The following CAMSAP2 variants were observed in gnomAD, a reference collection of about 807,000 sequenced individuals.
CAMSAP2 encodes calmodulin-regulated spectrin-associated protein 2.
Under a neutral mutation model 146.1 loss-of-function variants are expected in CAMSAP2, and 26 were observed. The ratio of observed to expected loss-of-function variants is 0.18; its 90% CI spans 0.13 to 0.25. CAMSAP2 has a LOEUF of 0.25. Ranked by LOEUF, CAMSAP2 falls within the 10% of genes least tolerant of loss-of-function variation. CAMSAP2 has a pLI of 1.00. For missense variants in CAMSAP2, 1,381 were observed against 1,759.3 expected (o/e 0.78, Z 3.85); for synonymous variants, 499 against 596.6 (o/e 0.84, Z 2.38).
intron 4 of CAMSAP2, among the ~76,000 whole-genome samples, chr1:200,816,645 T>C (rs1380564646): frequency 1.4e-5 from 2 of 142,688 alleles, no homozygotes; most frequent in African/African-American, 5.1e-5. Context: ...TACACACACA[T>C]ATATATGCAC....
intron 2 of CAMSAP2, among the ~76,000 whole-genome samples, chr1:200,761,863 A>AACACACAC (rs1558165340): frequency 6.6e-6 from 1 of 152,374 alleles, no homozygotes; most frequent in East Asian, 1.9e-4. Context: ...GAAGGCCTCT[A>AACACACAC]AGCTGGCCTG....
At chr1:200,784,590 G>T (rs968774377) in intron 2 of CAMSAP2, among the ~76,000 whole-genome samples, 4 of 152,024 alleles carry the variant, frequency 2.6e-5, no homozygotes, top group African/African-American at 9.7e-5. Context: ...ATTGAATTTT[G>T]AACATTTTTT....
chr1:200,848,843 C>G lies in CAMSAP2; in HGVS notation c.2074C>G (p.Gln692Glu). Residue 692 changes from glutamine (Q) to glutamate (E), a missense_variant, in exon 11 of 17, where the codon CAA becomes GAA. Around this residue, in one of 4 missense-constraint regions of CAMSAP2, gnomAD observed 447 missense variants for 462.2 expected, o/e 0.97. Transcript: ENST00000358823. Reference sequence around the variant, plus strand: ...AGTTAAAATGACCAGCTTTGCTGAACAAAAATTCAGGAAACTGAATCATAC... The same window carrying G: ...AGTTAAAATGACCAGCTTTGCTGAAGAAAAATTCAGGAAACTGAATCATAC... ...SGVKMTSFAEQKFRKLNHTDG... is the reference protein window; with the variant it reads ...SGVKMTSFAEEKFRKLNHTDG... 6.2e-7 allele frequency: 1 copy of G among 1,614,112 alleles called. No individual in the cohort carries two copies.
intron 2 of CAMSAP2, among the ~76,000 whole-genome samples, chr1:200,773,119 G>C (rs1270608871): frequency 6.6e-6 from 1 of 152,246 alleles, no homozygotes; most frequent in Non-Finnish European, 1.5e-5. Flanking sequence ...ATGTACATAA[G>C]AGACAATTCA....
chr1:200,848,708 C>A lies in CAMSAP2; in HGVS notation c.1939C>A (p.Leu647Ile), dbSNP rs143433419. The change falls in exon 11 of 17, where the codon CTT (leucine) becomes ATT (isoleucine). Residue 647 changes from leucine (L) to isoleucine (I), a missense_variant. By Grantham distance (5) the Leu-to-Ile change is conservative. This residue lies in a region of CAMSAP2 where 447 missense variants were observed against 462.2 expected (regional missense o/e 0.97). Transcript: ENST00000358823. ...TGACATGGATGATGCATCTAAATTT[C>A]TTCAGGATTATGATATTCGAACTGG... ...DSDMDDASKFLQDYDIRTGNT... is the reference protein window; with the variant it reads ...DSDMDDASKFIQDYDIRTGNT... The A allele has an allele frequency of 5.6e-5, 90 of 1,614,086 alleles. No individual in the cohort carries two copies. Among genetic ancestry groups the A allele is most frequent in the Non-Finnish European group, 7.1e-5 (84 of 1,179,986 alleles).
chr1:200,801,942 G>C (rs1305923059), intron 2 of CAMSAP2, among the ~76,000 whole-genome samples: 1 of 152,112 alleles, frequency 6.6e-6, no homozygotes, highest in Non-Finnish European at 1.5e-5. Flanking sequence ...TGATGTGTTG[G>C]CAGCTAGTAA....
At chr1:200,817,500 CAT>C (rs1666636896) in intron 4 of CAMSAP2, among the ~76,000 whole-genome samples, 1 of 152,076 alleles carries the variant, frequency 6.6e-6, no homozygotes, top group African/African-American at 2.4e-5. Context: ...ACCCTTTAAA[CAT>C]GTTGTATAGT....
intron 8 of CAMSAP2, among the ~76,000 whole-genome samples, chr1:200,846,233 C>T (rs1667456926): frequency 6.6e-6 from 1 of 152,132 alleles, no homozygotes; most frequent in African/African-American, 2.4e-5. Flanking sequence ...ATTTAGAAAA[C>T]ACTCAGTGTT....
At position 200,750,901 on chromosome 1, in the gene CAMSAP2, CTT is replaced by C. The variant is rs55953656; in HGVS notation, c.140-9920_140-9919del. Among the ~76,000 whole-genome samples the C allele has an allele frequency of 1.4e-3, 127 of 91,576 alleles. 1 individual carries two copies. The highest frequency in any genetic ancestry group is 0.013 in the South Asian group (35 of 2,768). 60.1% of individuals were successfully genotyped at this position (91,576 alleles called of 152,430 possible). A position where few individuals can be genotyped will look rare whatever the true frequency, so the allele number is the denominator to read the frequency against. ...TATAGGCATGAGCCACCGCGCCTGC[CTT>C]TTTTTTTTTTTTTTTTTGAGACAGG... is the stretch of plus-strand genomic sequence containing the variant. On this transcript the variant is annotated intron_variant, in intron 1 of 16. Coordinates refer to ENST00000358823, the MANE Select transcript of CAMSAP2 (RefSeq NM_203459.4).
At chr1:200,749,100 G>A (rs1228913829) in intron 1 of CAMSAP2, among the ~76,000 whole-genome samples, 1 of 152,176 alleles carries the variant, frequency 6.6e-6, no homozygotes, top group African/African-American at 2.4e-5. Context: ...CTTAGGATAG[G>A]ATGCAAACAG....
chr1:200,841,894 GATGA>G (rs948331959), intron 6 of CAMSAP2, 96 bp from the exon 7 acceptor site: 1 of 820,414 alleles, frequency 1.2e-6, no homozygotes, highest in African/African-American at 1.7e-5. Flanking sequence ...ATACTCCAGT[GATGA>G]ATGAATGAGA....
Position 200,739,378 on chromosome 1 carries a change from T to C in CAMSAP2, c.-450T>C, listed in dbSNP as rs1348670759. Among the ~76,000 whole-genome samples, 1 of 152,090 alleles carries C rather than the reference T, an allele frequency of 6.6e-6. No homozygotes were observed. Among genetic ancestry groups the C allele is most frequent in the Non-Finnish European group, 1.5e-5 (1 of 67,978 alleles). Reference sequence around the variant, plus strand: ...AGGCGAGGGCGTGCGGGCATCGCGATGGCGGGGACATTTTCCACAACGTGA... The same window carrying C: ...AGGCGAGGGCGTGCGGGCATCGCGACGGCGGGGACATTTTCCACAACGTGA... On this transcript the variant is annotated 5_prime_UTR_variant, in exon 1 of 17. An upstream start codon of the reference 5' UTR is lost. Coordinates refer to ENST00000358823, the MANE Select transcript of CAMSAP2 (RefSeq NM_203459.4). This position sits in a 1 kb window ranked among gnomAD's most constrained non-coding sequence, Gnocchi z 4.8.
chr1:200,848,307 A>C lies in CAMSAP2; in HGVS notation c.1538A>C (p.Glu513Ala). ...PLNTNELNSN[E>A]NIHYKLPNGA... The stretch of plus-strand genomic sequence containing the variant: ...AACACAAATGAACTAAATTCTAATG[A>C]GAATATTCATTACAAGCTTCCAAAT... Residue 513 changes from glutamate (E) to alanine (A), a missense_variant, in exon 11 of 17, where the codon GAG becomes GCG. This residue lies in a region of CAMSAP2 where 447 missense variants were observed against 462.2 expected (regional missense o/e 0.97). Transcript: ENST00000358823. 6.2e-7 allele frequency: 1 copy of C among 1,613,468 alleles called. No homozygotes were observed.
At chr1:200,757,727 G>GA (rs1412073599) in intron 1 of CAMSAP2, among the ~76,000 whole-genome samples, 1 of 152,066 alleles carries the variant, frequency 6.6e-6, no homozygotes, top group Admixed American at 6.5e-5. Flanking sequence ...TTTTTAAAAT[G>GA]ACCTATTTTA....
chr1:200,745,367 A>G lies in CAMSAP2; in HGVS notation c.139+5401A>G, dbSNP rs1664293191. On this transcript the variant is annotated intron_variant, in intron 1 of 16. Transcript: ENST00000358823. Reference sequence around the variant, plus strand: ...GAATCACTGCTATAAATATTATAAGACACACTATTGTGATCTAAAAAGGTT... The same window carrying G: ...GAATCACTGCTATAAATATTATAAGGCACACTATTGTGATCTAAAAAGGTT... Among the ~76,000 whole-genome samples the G allele has an allele frequency of 3.3e-5, 5 of 152,116 alleles. 1 individual carries two copies. The South Asian group carries it at 8.3e-4, about 25-fold the overall frequency.
At chr1:200,795,741 A>G (rs778648170) in intron 2 of CAMSAP2, among the ~76,000 whole-genome samples, 1 of 152,202 alleles carries the variant, frequency 6.6e-6, no homozygotes, top group African/African-American at 2.4e-5. Flanking sequence ...TGTGATTATT[A>G]CCAAATGTAA....
chr1:200,775,797 C>T (rs1443707105), intron 2 of CAMSAP2, among the ~76,000 whole-genome samples: 1 of 152,142 alleles, frequency 6.6e-6, no homozygotes, highest in African/African-American at 2.4e-5. Context: ...TCCCAAAGTG[C>T]TGGGATTATG....
At chr1:200,781,195 G>A (rs147723065) in intron 2 of CAMSAP2, among the ~76,000 whole-genome samples, 2 of 152,268 alleles carry the variant, frequency 1.3e-5, no homozygotes, top group African/African-American at 4.8e-5. Flanking sequence ...AAATATGCCT[G>A]GAAAACTTTC....
At chr1:200,752,000 A>T (rs188441839) in intron 1 of CAMSAP2, among the ~76,000 whole-genome samples, 50 of 152,348 alleles carry the variant, frequency 3.3e-4, no homozygotes, top group African/African-American at 1.2e-3. Context: ...CATGGGCCAC[A>T]TTAACTTGGA....
Sources: allele counts gnomAD v4.1 joint callset (sites outside exome capture counted in the v4.1 genomes callset), GRCh38; gene constraint gnomAD v4.1.1; regional missense constraint gnomAD v4.1.1; non-coding constraint Gnocchi (gnomAD v3.1); transcripts MANE v1.5; gene names NCBI Gene and HGNC (gene_info 2026-07-23, HGNC 2026-07-21).